Variants in CNDP1 observed in about 807,000 individuals in gnomAD.
CNDP1 encodes beta-Ala-His dipeptidase.
A neutral mutation model predicts 58.1 loss-of-function variants in CNDP1; 44 were observed. That is an observed-to-expected ratio of 0.76 (90% CI 0.60 to 0.97). CNDP1 has a LOEUF of 0.97. CNDP1 is among the 50% of genes least tolerant of loss of function. CNDP1 has a pLI of 0.00. For synonymous variants in CNDP1, 254 were observed against 252.6 expected (o/e 1.01, Z -0.05); for missense variants, 616 against 655.1 (o/e 0.94, Z 0.65).
chr18:74,549,640 A>G (rs927917337), intron 1 of CNDP1, among the ~76,000 whole-genome samples: 1 of 152,206 alleles, frequency 6.6e-6, no homozygotes. Context: ...TTGCAGAGCA[A>G]CCACTTGCTA....
At position 74,545,146 on chromosome 18, in the gene CNDP1, T is replaced by A. The variant is rs1368870674; in HGVS notation, c.24+10455T>A. Among the ~76,000 whole-genome samples, 1 of 152,214 alleles carries A rather than the reference T, an allele frequency of 6.6e-6. No homozygotes were observed. The highest frequency in any genetic ancestry group is 2.4e-5 in the African/African-American group (1 of 41,452). On this transcript the variant is annotated intron_variant, in intron 1 of 11. Coordinates refer to ENST00000358821, the MANE Select transcript of CNDP1 (RefSeq NM_032649.6). This position sits in a 1 kb window ranked among gnomAD's most constrained non-coding sequence, Gnocchi z 4.1. Reference sequence around the variant, plus strand: ...CTAAAACTGTGGGAGAATAAAGTCCTGGTGTTTGGCCCCCGGTTTGGGATG... The same window carrying A: ...CTAAAACTGTGGGAGAATAAAGTCCAGGTGTTTGGCCCCCGGTTTGGGATG...
intron 1 of CNDP1, among the ~76,000 whole-genome samples, chr18:74,539,327 T>A (rs1359774123): frequency 3.9e-5 from 6 of 152,144 alleles, no homozygotes; most frequent in Non-Finnish European, 8.8e-5. Flanking sequence ...GATTTCTAAG[T>A]AGGCACGTGC....
Position 74,540,881 on chromosome 18 carries a change from G to T in CNDP1, c.24+6190G>T, listed in dbSNP as rs371635068. ...TTAATCAACAAATCACATGATGTGTGGAATCCCTAACTCACTCCAGCACTA... is the reference window on the plus strand; with the variant it reads ...TTAATCAACAAATCACATGATGTGTTGAATCCCTAACTCACTCCAGCACTA... On this transcript the variant is annotated intron_variant, in intron 1 of 11. Coordinates refer to ENST00000358821, the MANE Select transcript of CNDP1 (RefSeq NM_032649.6). 2.6e-5 allele frequency among the ~76,000 whole-genome samples: 4 copies of T among 152,336 alleles called. No individual in the cohort carries two copies. The East Asian group carries it at 5.8e-4, about 22-fold the overall frequency.
rs1980737680 is a variant in CNDP1 at position 74,545,561 on chromosome 18, T to A, written c.25-10777T>A. On this transcript the variant is annotated intron_variant, in intron 1 of 11. Transcript: ENST00000358821. The surrounding 1 kb of genome is among the most constrained non-coding windows in gnomAD (Gnocchi z 4.1). Reference sequence around the variant, plus strand: ...CCACCAAAACCCTGCCAGGCTCTCCTCTCCTGACTCCGTGAGAAATCTCTG... The same window carrying A: ...CCACCAAAACCCTGCCAGGCTCTCCACTCCTGACTCCGTGAGAAATCTCTG... Among the ~76,000 whole-genome samples, 1 of 152,072 alleles carries A rather than the reference T, an allele frequency of 6.6e-6. No homozygotes were observed.
At chr18:74,562,369 T>C (rs1268196562) in intron 5 of CNDP1, among the ~76,000 whole-genome samples, 2 of 152,194 alleles carry the variant, frequency 1.3e-5, no homozygotes, top group Admixed American at 6.5e-5. Context: ...ACTTCGAGGA[T>C]GGATTCCAGC....
chr18:74,569,908 G>A (rs1417361545), intron 6 of CNDP1, among the ~76,000 whole-genome samples: 1 of 151,972 alleles, frequency 6.6e-6, no homozygotes, highest in Admixed American at 6.6e-5. Flanking sequence ...AGAAGGAGCT[G>A]GGCACAGTGG....
At chr18:74,548,014 C>T (rs952886382) in intron 1 of CNDP1, among the ~76,000 whole-genome samples, 2 of 152,172 alleles carry the variant, frequency 1.3e-5, no homozygotes, top group African/African-American at 4.8e-5. Context: ...GCTGGGCAAC[C>T]GCCTACCCCC....
chr18:74,547,190 A>C (rs974891289), intron 1 of CNDP1, among the ~76,000 whole-genome samples: 1 of 152,234 alleles, frequency 6.6e-6, no homozygotes, highest in Non-Finnish European at 1.5e-5. Context: ...TAGGCTAATA[A>C]AACATTCTTT....
At chr18:74,540,291 G>A (rs1163606162) in intron 1 of CNDP1, among the ~76,000 whole-genome samples, 1 of 151,768 alleles carries the variant, frequency 6.6e-6, no homozygotes, top group Non-Finnish European at 1.5e-5. Context: ...CCTTTTAGCT[G>A]GGATTGCAGG....
At chr18:74,562,662 C>G (rs1981231767) in intron 5 of CNDP1, among the ~76,000 whole-genome samples, 1 of 152,214 alleles carries the variant, frequency 6.6e-6, no homozygotes, top group Non-Finnish European at 1.5e-5. Flanking sequence ...CACAGTGGCT[C>G]TCTTTAGAAG....
chr18:74,579,188 T>TCCTTG (rs1555711487), intron 9 of CNDP1, among the ~76,000 whole-genome samples: 2 of 118,420 alleles, frequency 1.7e-5, no homozygotes, highest in Non-Finnish European at 3.5e-5. Flanking sequence ...CTTCTCCCTT[T>TCCTTG]CCTTCCCTTC....
chr18:74,583,447 G>A lies in CNDP1; in HGVS notation c.1310-114G>A, dbSNP rs887585767. Reference sequence around the variant, plus strand: ...AGCACCAAATCTAATGGTAAAAAAAGAAAGATTAACAAGGAAAAAGAGAGA... The same window carrying A: ...AGCACCAAATCTAATGGTAAAAAAAAAAAGATTAACAAGGAAAAAGAGAGA... On this transcript the variant is annotated intron_variant, in intron 10 of 11. Transcript: ENST00000358821. 3.5e-6 allele frequency: 3 copies of A among 857,272 alleles called. No individual in the cohort carries two copies. In the African/African-American group the frequency reaches 5.0e-5, roughly 14 times the overall value. 53.1% of individuals were successfully genotyped at this position (857,272 alleles called of 1,614,324 possible).
rs934724163 is a variant in CNDP1, at chr18:74,559,201, C to T, written c.154-122C>T. The T allele has an allele frequency of 7.9e-6, 7 of 887,460 alleles. No homozygotes were observed. The Admixed American group carries it at 9.9e-5, about 13-fold the overall frequency. The allele number at this position is 887,460 out of a possible 1,614,324, so 55.0% of individuals were successfully genotyped here. On this transcript the variant is annotated intron_variant, in intron 2 of 11. Coordinates refer to ENST00000358821, the MANE Select transcript of CNDP1 (RefSeq NM_032649.6). ...AGTGTTCACTGGCACTGTCATAGGT[C>T]CTCAGGTCCTTGATCAACAGAAAAG...
chr18:74,584,646 C>T lies in CNDP1; in HGVS notation c.*84C>T. ...TAGACAGGGATGGAATGTAAATATC[C>T]AGAGAATTTGGGTCTAGTATAGTAC... On this transcript the variant is annotated 3_prime_UTR_variant, in exon 12 of 12. Coordinates refer to ENST00000358821, the MANE Select transcript of CNDP1 (RefSeq NM_032649.6). 9.0e-7 allele frequency: 1 copy of T among 1,110,720 alleles called. No homozygotes were observed. The highest frequency in any genetic ancestry group is 1.2e-5 in the South Asian group (1 of 80,534). The allele number at this position is 1,110,720 out of a possible 1,614,324, so 68.8% of individuals were successfully genotyped here. A position where few individuals can be genotyped will look rare whatever the true frequency, so the allele number is the denominator to read the frequency against.
In CNDP1 at chr18:74,556,382, C is replaced by A. The variant is rs984465195; in HGVS notation, c.69C>A (p.Gly23=). The change falls in exon 2 of 12, where the codon GGC becomes GGA. Residue 23 remains glycine (G), a synonymous_variant. Coordinates refer to ENST00000358821, the MANE Select transcript of CNDP1 (RefSeq NM_032649.6). ...TGCTGCTGCTGCTGCTGGAGCGCGG[C>A]ATGTTCTCCTCACCCTCCCCGCCCC... ...LAVLLLLLER[G]MFSSPSPPPA... The A allele has an allele frequency of 7.5e-6, 12 of 1,607,658 alleles. No individual in the cohort carries two copies. The highest frequency in any genetic ancestry group is 2.2e-5 in the East Asian group (1 of 44,888).
chr18:74,554,843 G>A (rs1267497037), intron 1 of CNDP1, among the ~76,000 whole-genome samples: 1 of 152,232 alleles, frequency 6.6e-6, no homozygotes, highest in African/African-American at 2.4e-5. Context: ...CTGCTTTGTG[G>A]AGGGTGGATT....
At chr18:74,572,694 A>G (rs1004324697) in intron 7 of CNDP1, among the ~76,000 whole-genome samples, 1 of 149,804 alleles carries the variant, frequency 6.7e-6, no homozygotes, top group Non-Finnish European at 1.5e-5. Context: ...GGGCTGAGGC[A>G]GGAGGGTCGC....
At chr18:74,542,060 C>T (rs1263794437) in intron 1 of CNDP1, among the ~76,000 whole-genome samples, 1 of 152,210 alleles carries the variant, frequency 6.6e-6, no homozygotes, top group Admixed American at 6.5e-5. Context: ...CCTGGGATCC[C>T]AGAGTGCATG....
At position 74,556,602 on chromosome 18, in the gene CNDP1, G is replaced by C; in HGVS notation, c.153+136G>C. The C allele has an allele frequency of 1.0e-5, 10 of 986,138 alleles. No individual in the cohort carries two copies. In the South Asian group the frequency reaches 1.4e-4, roughly 14 times the overall value. The allele number at this position is 986,138 out of a possible 1,614,324, so 61.1% of individuals were successfully genotyped here. On this transcript the variant is annotated intron_variant, in intron 2 of 11. Coordinates refer to ENST00000358821, the MANE Select transcript of CNDP1 (RefSeq NM_032649.6). The stretch of plus-strand genomic sequence containing the variant: ...TTTAAAATGCCTATGACTGCTCATT[G>C]GGTTAAAAATCTTCAGTATTCATTA...
Sources: allele counts gnomAD v4.1 joint callset (sites outside exome capture counted in the v4.1 genomes callset), GRCh38; gene constraint gnomAD v4.1.1; non-coding constraint Gnocchi (gnomAD v3.1); transcripts MANE v1.5; gene names NCBI Gene and HGNC (gene_info 2026-07-23, HGNC 2026-07-21).